OPTC: variants seen among roughly 807,000 people sequenced by gnomAD.
OPTC encodes opticin, also known as oculoglycan.
A neutral mutation model predicts 25.4 loss-of-function variants in OPTC; 22 were observed. That is an observed-to-expected ratio of 0.87 (90% CI 0.62 to 1.24). OPTC has a LOEUF of 1.24. OPTC is among the 50% of genes most tolerant of loss of function. The pLI is 0.00. For synonymous variants in OPTC, 169 were observed against 179.3 expected, an observed-to-expected ratio of 0.94 and a Z score of 0.46; for missense variants, 417 against 425.2, an observed-to-expected ratio of 0.98 and a Z score of 0.17.
intron 2 of OPTC, 137 bp from the exon 3 acceptor site, chr1:203,496,840 T>C (rs1239577626): frequency 1.1e-6 from 1 of 888,726 alleles, no homozygotes; most frequent in East Asian, 2.5e-5. Flanking sequence ...GCACAGTCTT[T>C]CTGCTATCCT....
intron 4 of OPTC, among the ~76,000 whole-genome samples, chr1:203,499,333 A>G (rs1427073959): frequency 6.6e-6 from 1 of 152,054 alleles, no homozygotes; most frequent in South Asian, 2.1e-4. Context: ...TAGACTCACA[A>G]GTGGAGGTGA....
Position 203,503,612 on chromosome 1 carries a change from C to A in OPTC, c.891C>A (p.Thr297=). The part of the protein sequence containing the change: ...VFCDPEEHKH[T]RRQLEDIRLD... ...GTGACCCCGAGGAGCACAAACACAC[C>A]CGCAGGCAGCTGGAAGACATCCGCC... The change falls in exon 7 of 8, where the codon ACC becomes ACA. Residue 297 remains threonine (T), a synonymous_variant. Coordinates refer to ENST00000367222, the MANE Select transcript of OPTC (RefSeq NM_014359.4). 1 of 1,613,720 alleles carries A rather than the reference C, an allele frequency of 6.2e-7. No homozygotes were observed. The highest frequency in any genetic ancestry group is 1.1e-5 in the South Asian group (1 of 91,086).
intron 4 of OPTC, among the ~76,000 whole-genome samples, chr1:203,499,096 C>G (rs1313739622): frequency 6.6e-6 from 1 of 152,186 alleles, no homozygotes; most frequent in Non-Finnish European, 1.5e-5. Context: ...GTATGATCTG[C>G]CAGCATCTTC....
At chr1:203,499,438 T>A (rs1346262167) in intron 4 of OPTC, among the ~76,000 whole-genome samples, 1 of 151,940 alleles carries the variant, frequency 6.6e-6, no homozygotes, top group Non-Finnish European at 1.5e-5. Context: ...AGGACAAAAC[T>A]CCAGGGAGGG....
intron 7 of OPTC, 82 bp downstream of exon 7, chr1:203,503,827 C>A: frequency 1.6e-6 from 2 of 1,233,564 alleles, no homozygotes; most frequent in Non-Finnish European, 1.2e-6. Context: ...TGATCTTTAG[C>A]CCAGGCATTA....
chr1:203,495,069 T>G (rs1661256203), intron 1 of OPTC, among the ~76,000 whole-genome samples: 1 of 152,228 alleles, frequency 6.6e-6, no homozygotes, highest in African/African-American at 2.4e-5. Context: ...GTATGTTTCA[T>G]TGTAAGTCCA....
chr1:203,497,690 C>T (rs1039240665), intron 3 of OPTC, among the ~76,000 whole-genome samples: 5 of 152,222 alleles, frequency 3.3e-5, no homozygotes, highest in South Asian at 2.1e-4. Context: ...TGCTTGCCCG[C>T]GGTTTCCCTG....
At chr1:203,507,294 GAC>G (rs1661509616) in intron 7 of OPTC, among the ~76,000 whole-genome samples, 1 of 152,210 alleles carries the variant, frequency 6.6e-6, no homozygotes, top group African/African-American at 2.4e-5. Flanking sequence ...TGGAGAGAAT[GAC>G]ACAGAGCAGA....
chr1:203,494,449 T>C (rs745505671), intron 1 of OPTC, among the ~76,000 whole-genome samples: 1 of 152,120 alleles, frequency 6.6e-6, no homozygotes, highest in Non-Finnish European at 1.5e-5. Context: ...CTCTTGCTAC[T>C]GCTAGAGGCT....
intron 2 of OPTC, among the ~76,000 whole-genome samples, chr1:203,496,557 T>C (rs1661284481): frequency 6.6e-6 from 1 of 152,240 alleles, no homozygotes; most frequent in East Asian, 1.9e-4. Flanking sequence ...TTTCTGAAAC[T>C]GTCCTCCAGT....
At chr1:203,496,882 TG>T in intron 2 of OPTC, 94 bp from the exon 3 acceptor site, 1 of 1,320,820 alleles carries the variant, frequency 7.6e-7, no homozygotes, top group Non-Finnish European at 1.1e-6. Flanking sequence ...GACTCTTTGC[TG>T]GTTTGAAATC....
chr1:203,495,901 T>C, intron 1 of OPTC, 64 bp from the exon 2 acceptor site: 1 of 783,832 alleles, frequency 1.3e-6, no homozygotes, highest in Non-Finnish European at 2.2e-6. Context: ...CTGCGAGCCA[T>C]TCCCACAACA....
chr1:203,498,722 G>A lies in OPTC; in HGVS notation c.412G>A (p.Val138Met). Residue 138 changes from valine to methionine, a missense_variant, in exon 4 of 8, where the codon GTG becomes ATG. Val to Met is a conservative substitution (Grantham distance 21, BLOSUM62 1). Transcript: ENST00000367222. ...GGTCTGCGTGTGCCTCGGTTCCTCTGTGTATTGCGATGACATTGACCTAGA... is the reference window on the plus strand; with the variant it reads ...GGTCTGCGTGTGCCTCGGTTCCTCTATGTATTGCGATGACATTGACCTAGA... The part of the protein sequence containing the change: ...CLVCVCLGSS[V>M]YCDDIDLEDI... The A allele has an allele frequency of 6.2e-7, 1 of 1,614,186 alleles. No individual in the cohort carries two copies. Among genetic ancestry groups the A allele is most frequent in the African/African-American group, 1.3e-5 (1 of 75,056 alleles).
intron 1 of OPTC, among the ~76,000 whole-genome samples, 186 bp from the exon 2 acceptor site, chr1:203,495,779 G>A (rs1661267511): frequency 6.6e-6 from 1 of 152,150 alleles, no homozygotes; most frequent in Non-Finnish European, 1.5e-5. Flanking sequence ...GGCGGTGGAG[G>A]GAGGGGGCTG....
At chr1:203,499,989 A>G (rs1571598053) in intron 5 of OPTC, 138 bp downstream of exon 5, 6 of 560,566 alleles carry the variant, frequency 1.1e-5, no homozygotes, top group Non-Finnish European at 1.8e-5. Flanking sequence ...ACCATCACCC[A>G]CCTCTACCAC....
chr1:203,500,463 C>T (rs1472295993), intron 5 of OPTC, among the ~76,000 whole-genome samples: 1 of 149,226 alleles, frequency 6.7e-6, no homozygotes, highest in Non-Finnish European at 1.5e-5. Context: ...CCATATCCAC[C>T]ACCACCACCC....
At chr1:203,500,190 C>T (rs1430790442) in intron 5 of OPTC, among the ~76,000 whole-genome samples, 1 of 6,634 alleles carries the variant, frequency 1.5e-4, no homozygotes. Flanking sequence ...CCACCACCAC[C>T]ACCACCACCA....
intron 3 of OPTC, 137 bp from the exon 4 acceptor site, chr1:203,498,544 C>T (rs1661314472): frequency 1.0e-6 from 1 of 957,394 alleles, no homozygotes; most frequent in South Asian, 1.3e-5. Context: ...GTACATGGTG[C>T]CCGTCAGTTC....
At position 203,499,679 on chromosome 1, in the gene OPTC, ACCTCATTT is replaced by A. The variant is rs1473825212; in HGVS notation, c.565_572del (p.Ile189HisfsTer3). 1 of 1,613,352 alleles carries A rather than the reference ACCTCATTT, an allele frequency of 6.2e-7. No individual in the cohort carries two copies. Among genetic ancestry groups the A allele is most frequent in the Non-Finnish European group, 8.5e-7 (1 of 1,179,896 alleles). On this transcript the variant is annotated frameshift_variant, in exon 5 of 8. Transcript: ENST00000367222. LOFTEE classifies it high-confidence loss of function. ...TTGAAGAGGATTGACCTCTCCAACA[ACCTCATTT>A]CCTCCATCGATAATGATGCCTTCCG...
Sources: gnomAD v4.1 joint callset for allele counts (sites outside exome capture counted in the v4.1 genomes callset) on GRCh38, gnomAD v4.1.1 for gene constraint, MANE v1.5 for transcripts, NCBI Gene and HGNC (gene_info 2026-07-23, HGNC 2026-07-21) for gene names.